The following PAXIP1 variants were observed in gnomAD, a reference collection of about 807,000 sequenced individuals.
The protein encoded by PAXIP1 is PAX-interacting protein 1.
A neutral mutation model predicts 140.6 loss-of-function variants in PAXIP1; 19 were observed. That is an observed-to-expected ratio of 0.14 (90% CI 0.09 to 0.20). The LOEUF is 0.20. PAXIP1 is among the 10% of genes least tolerant of loss of function. The pLI, the probability that PAXIP1 is intolerant of heterozygous loss-of-function variation, is 1.00. For synonymous variants in PAXIP1, 442 were observed against 444.6 expected (o/e 0.99, Z 0.07); for missense variants, 920 against 1,208.6 (o/e 0.76, Z 3.54).
rs2150766048 is a variant in PAXIP1 at position 154,975,779 on chromosome 7, A to C, written c.991T>G (p.Trp331Gly). 6.2e-7 allele frequency: 1 copy of C among 1,613,874 alleles called. No homozygotes were observed. Among genetic ancestry groups the C allele is most frequent in the East Asian group, 2.2e-5 (1 of 44,886 alleles). ...CTCAGTGTCCGTACAGCTGGACTCC[A>C]GGTAGCTATCATTTCTGATCTTTCA... ...SSERSEMIAT[W>G]SPAVRTLRNI... The change falls in exon 6 of 21, where the codon TGG becomes GGG. Residue 331 changes from tryptophan to glycine, a missense_variant. Trp to Gly is a radical substitution (Grantham distance 184). Transcript: ENST00000404141.
At chr7:154,982,168 T>C (rs995808376) in intron 5 of PAXIP1, among the ~76,000 whole-genome samples, 25 of 152,346 alleles carry the variant, frequency 1.6e-4, no homozygotes, top group African/African-American at 5.8e-4. Flanking sequence ...TTACTTAAAC[T>C]GTCATGGAAA....
intron 16 of PAXIP1, chr7:154,949,961 C>G (rs910378943): frequency 6.6e-6 from 1 of 152,128 alleles, no homozygotes; most frequent in Non-Finnish European, 1.5e-5. Flanking sequence ...TAAGACGATC[C>G]TGTCACAGAT....
At chr7:155,000,239 G>GA (rs2150791856) in intron 1 of PAXIP1, 2 of 152,346 alleles carry the variant, frequency 1.3e-5, no homozygotes, top group African/African-American at 4.8e-5. Context: ...AACTAGAGCA[G>GA]AGGCTCAATA....
At chr7:154,949,226 T>C (rs1267857886) in intron 16 of PAXIP1, 1 of 152,198 alleles carries the variant, frequency 6.6e-6, no homozygotes, top group African/African-American at 2.4e-5. Flanking sequence ...TTGTGGGCTA[T>C]GTATTATTTC....
chr7:154,981,333 T>C (rs1341265603), intron 5 of PAXIP1, among the ~76,000 whole-genome samples: 1 of 152,208 alleles, frequency 6.6e-6, no homozygotes, highest in Non-Finnish European at 1.5e-5. Context: ...AATCTGCTTT[T>C]AACAAATATT....
intron 2 of PAXIP1, among the ~76,000 whole-genome samples, chr7:154,994,141 G>A (rs1161726057): frequency 6.6e-6 from 1 of 152,074 alleles, no homozygotes; most frequent in Non-Finnish European, 1.5e-5. Context: ...CTCCCTTCTT[G>A]AATCCCAAAT....
intron 8 of PAXIP1, chr7:154,964,497 A>G (rs921690026): frequency 6.6e-6 from 1 of 152,250 alleles, no homozygotes; most frequent in Non-Finnish European, 1.5e-5. Context: ...CCTATGGCTA[A>G]GCATAAATAT....
intron 4 of PAXIP1, among the ~76,000 whole-genome samples, chr7:154,989,078 T>C (rs979696557): frequency 1.3e-5 from 2 of 152,170 alleles, no homozygotes; most frequent in Non-Finnish European, 2.9e-5. Context: ...ACAAAATTCC[T>C]GTTAAAGAGA....
chr7:154,968,921 A>C lies in PAXIP1; in HGVS notation c.1280T>G (p.Leu427Arg). The C allele has an allele frequency of 7.5e-7, 1 of 1,337,804 alleles. No individual in the cohort carries two copies. The allele number at this position is 1,337,804 out of a possible 1,614,324, so 82.9% of individuals were successfully genotyped here. ...LHLQPQQIMQLQQQQQQQISQ... is the reference protein window; with the variant it reads ...LHLQPQQIMQRQQQQQQQISQ... ...GATCTGCTGCTGCTGCTGCTGCTGG[A>C]GCTGCATTATCTGCTGGGGCTGAAG... is the stretch of plus-strand genomic sequence containing the variant. Residue 427 changes from leucine to arginine, a missense_variant, in exon 7 of 21, where the codon CTC (leucine) becomes CGC (arginine). This residue lies in a region of PAXIP1 where 133 missense variants were observed against 88.4 expected (regional missense o/e 1.50). Coordinates refer to ENST00000404141, the MANE Select transcript of PAXIP1 (RefSeq NM_007349.4).
intron 3 of PAXIP1, among the ~76,000 whole-genome samples, chr7:154,992,806 A>G (rs570456637): frequency 2.6e-5 from 4 of 152,238 alleles, no homozygotes; most frequent in African/African-American, 7.2e-5. Context: ...TGGAGTTGCT[A>G]AAGTTCTACA....
rs1446549630 is a variant in PAXIP1 at position 154,954,612 on chromosome 7, T to C, written c.2653-189A>G. 6.6e-6 allele frequency among the ~76,000 whole-genome samples: 1 copy of C among 152,240 alleles called. No individual in the cohort carries two copies. Among genetic ancestry groups the C allele is most frequent in the East Asian group, 1.9e-4 (1 of 5,206 alleles). On this transcript the variant is annotated intron_variant, in intron 15 of 20. Coordinates refer to ENST00000404141, the MANE Select transcript of PAXIP1 (RefSeq NM_007349.4). The surrounding 1 kb of genome is among the most constrained non-coding windows in gnomAD (Gnocchi z 5.1). ...AGAGAAAAATAAAAAAGAGAATTTA[T>C]CATTTACATTTCTGTAGTTCAATTC...
At chr7:154,951,144 A>G in intron 16 of PAXIP1, 2 of 152,394 alleles carry the variant, frequency 1.3e-5, no homozygotes, top group Non-Finnish European at 2.9e-5. Context: ...GCCAAGAGTG[A>G]GCCCTAATGT....
intron 20 of PAXIP1, chr7:154,944,966 G>A (rs1015879148): frequency 6.7e-6 from 1 of 149,520 alleles, no homozygotes; most frequent in African/African-American, 2.5e-5. Context: ...TTCTGGGACT[G>A]AGGCAAATTT....
chr7:154,986,293 T>C lies in PAXIP1; in HGVS notation c.325-2961A>G, dbSNP rs1810067707. ...GTGTGTGTGCGCATGGGTGCTCCAG[T>C]GTGCAGAAAAGGTGCAGATCCCTCT... is the stretch of plus-strand genomic sequence containing the variant. On this transcript the variant is annotated intron_variant, in intron 4 of 20. Coordinates refer to ENST00000404141, the MANE Select transcript of PAXIP1 (RefSeq NM_007349.4). The surrounding 1 kb of genome is among the most constrained non-coding windows in gnomAD (Gnocchi z 4.8). 2 of 623,244 alleles carry C rather than the reference T, an allele frequency of 3.2e-6. No individual in the cohort carries two copies. The highest frequency in any genetic ancestry group is 1.8e-5 in the South Asian group (1 of 54,952). The allele number at this position is 623,244 out of a possible 1,614,324, so 38.6% of individuals were successfully genotyped here.
At chr7:154,957,931 C>T (rs1412011447) in intron 13 of PAXIP1, among the ~76,000 whole-genome samples, 1 of 134,990 alleles carries the variant, frequency 7.4e-6, no homozygotes, top group Non-Finnish European at 1.5e-5. Flanking sequence ...TGCGCCACTG[C>T]AGTCCGCAGT....
At chr7:154,985,919 TGA>T (rs1810048951) in intron 4 of PAXIP1, 3 of 919,022 alleles carry the variant, frequency 3.3e-6, no homozygotes, top group Non-Finnish European at 4.5e-6. Context: ...TACTGTTGAT[TGA>T]GATACAGAAT....
At chr7:154,977,533 A>G (rs942552726) in intron 5 of PAXIP1, among the ~76,000 whole-genome samples, 18 of 152,234 alleles carry the variant, frequency 1.2e-4, no homozygotes, top group African/African-American at 4.3e-4. Flanking sequence ...CCTTGCAAAT[A>G]GTGAGCTCTG....
chr7:154,996,671 A>C (rs775006711), intron 2 of PAXIP1, among the ~76,000 whole-genome samples: 4 of 152,224 alleles, frequency 2.6e-5, no homozygotes, highest in African/African-American at 9.7e-5. Context: ...ATATAGCAGC[A>C]GCCATGCCCA....
Position 154,975,700 on chromosome 7 carries a change from G to A in PAXIP1, c.1070C>T (p.Ala357Val). ...TTTTCGGAAAGAGTGACTTACATGTGCTACATTTGATGGCCGGTTCATCTG... is the reference window on the plus strand; with the variant it reads ...TTTTCGGAAAGAGTGACTTACATGTACTACATTTGATGGCCGGTTCATCTG... Reference protein sequence around the residue: ...IQQMNRPSNVAHILQTLSAPT... With the variant: ...IQQMNRPSNVVHILQTLSAPT... Residue 357 changes from alanine (A) to valine (V), a missense_variant, in exon 6 of 21, where the codon GCA (alanine) becomes GTA (valine). This residue lies in a region of PAXIP1 where 419 missense variants were observed against 514.7 expected (regional missense o/e 0.81). Coordinates refer to ENST00000404141, the MANE Select transcript of PAXIP1 (RefSeq NM_007349.4). 1 of 1,602,646 alleles carries A rather than the reference G, an allele frequency of 6.2e-7. No individual in the cohort carries two copies. The highest frequency in any genetic ancestry group is 8.5e-7 in the Non-Finnish European group (1 of 1,170,438).
Sources: gnomAD v4.1 joint callset for allele counts (sites outside exome capture counted in the v4.1 genomes callset) on GRCh38, gnomAD v4.1.1 for gene constraint, gnomAD v4.1.1 regional missense constraint, Gnocchi (gnomAD v3.1) non-coding constraint, MANE v1.5 for transcripts, NCBI Gene and HGNC (gene_info 2026-07-23, HGNC 2026-07-21) for gene names.